The following LDB2 variants were observed in gnomAD, a reference collection of about 807,000 sequenced individuals.
The protein encoded by LDB2 is LIM domain-binding protein 2.
Under a neutral mutation model 44.3 loss-of-function variants are expected in LDB2, and 12 were observed. The ratio of observed to expected loss-of-function variants is 0.27; its 90% confidence interval spans 0.17 to 0.44. The LOEUF is 0.44. Ranked by LOEUF, LDB2 falls within the 20% of genes least tolerant of loss-of-function variation. The pLI, the probability that LDB2 is intolerant of heterozygous loss-of-function variation, is 1.00. For synonymous variants in LDB2, 164 were observed against 174.8 expected, an observed-to-expected ratio of 0.94 and a Z score of 0.49; for missense variants, 344 against 473.5, an observed-to-expected ratio of 0.73 and a Z score of 2.54.
chr4:16,724,542 GC>G (rs1759018432), intron 2 of LDB2, among the ~76,000 whole-genome samples: 1 of 151,926 alleles, frequency 6.6e-6, no homozygotes, highest in African/African-American at 2.4e-5. Flanking sequence ...CTTCTCTCTA[GC>G]CCCAGTTCAA....
chr4:16,832,389 T>A (rs567516055), intron 1 of LDB2, among the ~76,000 whole-genome samples: 29 of 152,306 alleles, frequency 1.9e-4, no homozygotes, highest in Non-Finnish European at 1.2e-4. Flanking sequence ...GACATACTGA[T>A]GAAATTATAG....
intron 7 of LDB2, chr4:16,507,197 T>C (rs1408177871): frequency 1.3e-5 from 2 of 152,212 alleles, no homozygotes; most frequent in Non-Finnish European, 2.9e-5. Context: ...GACTGCAATT[T>C]GTAACCTTGT....
At chr4:16,897,706 CTA>C (rs1164831892) in intron 1 of LDB2, among the ~76,000 whole-genome samples, 2 of 151,740 alleles carry the variant, frequency 1.3e-5, no homozygotes, top group Admixed American at 6.6e-5. Context: ...AGGAGAAAGT[CTA>C]GAGTCCCCTT....
At chr4:16,586,913 C>T (rs751377775) in intron 4 of LDB2, among the ~76,000 whole-genome samples, 2 of 152,128 alleles carry the variant, frequency 1.3e-5, no homozygotes, top group African/African-American at 2.4e-5. Context: ...CTAGATTATA[C>T]TAATGTGACT....
chr4:16,511,985 C>T lies in LDB2; in HGVS notation c.735G>A (p.Pro245=), dbSNP rs137916977. The change falls in exon 6 of 8, where the codon CCG becomes CCA. Residue 245 remains proline (P), a synonymous_variant. Transcript: ENST00000304523. ...LFQKWQRMVA[P]PAEPTRQPTT... is the part of the protein sequence containing the mutation. Reference sequence around the variant, plus strand: ...GAGTGAAGAATGAGGGTGTACCTGGCGGAGCCACCATCCTCTGCCACTTCT... The same window carrying T: ...GAGTGAAGAATGAGGGTGTACCTGGTGGAGCCACCATCCTCTGCCACTTCT... 5.9e-5 allele frequency: 95 copies of T among 1,612,572 alleles called. 1 individual carries two copies. In the African/African-American group the frequency reaches 8.5e-4, roughly 14 times the overall value.
chr4:16,878,827 C>T (rs1007421317), intron 1 of LDB2, among the ~76,000 whole-genome samples: 2 of 152,192 alleles, frequency 1.3e-5, no homozygotes, highest in Non-Finnish European at 2.9e-5. Flanking sequence ...CTCATTTGTT[C>T]TTTAAGTCTC....
chr4:16,821,199 A>G (rs1377857839), intron 1 of LDB2, among the ~76,000 whole-genome samples: 1 of 152,116 alleles, frequency 6.6e-6, no homozygotes, highest in Non-Finnish European at 1.5e-5. Flanking sequence ...TTCCCACTCA[A>G]TCTAAAGACA....
chr4:16,758,722 A>G (rs1767227161), intron 2 of LDB2, among the ~76,000 whole-genome samples: 1 of 152,196 alleles, frequency 6.6e-6, no homozygotes. Flanking sequence ...TCAAATAAAT[A>G]CCTGAGATAA....
At chr4:16,564,169 T>C (rs977623455) in intron 5 of LDB2, among the ~76,000 whole-genome samples, 2 of 152,018 alleles carry the variant, frequency 1.3e-5, no homozygotes, top group Non-Finnish European at 2.9e-5. Context: ...ACCCTCAGTG[T>C]CTCAAATGCC....
At chr4:16,745,408 A>T (rs1222689822) in intron 2 of LDB2, among the ~76,000 whole-genome samples, 1 of 152,220 alleles carries the variant, frequency 6.6e-6, no homozygotes, top group Non-Finnish European at 1.5e-5. Flanking sequence ...CTGAGCTCCA[A>T]AGATATTCTC....
intron 2 of LDB2, among the ~76,000 whole-genome samples, chr4:16,682,293 GTTTAT>G (rs541840899): frequency 1.9e-3 from 286 of 152,242 alleles, no homozygotes; most frequent in African/African-American, 6.3e-3. Flanking sequence ...ATAAAAAGCA[GTTTAT>G]TTTATTTCTC....
chr4:16,734,131 G>T (rs1761357243), intron 2 of LDB2, among the ~76,000 whole-genome samples: 1 of 152,158 alleles, frequency 6.6e-6, no homozygotes, highest in Non-Finnish European at 1.5e-5. Context: ...TAAATAAGAT[G>T]CTTTGTGTAA....
At chr4:16,605,550 G>A (rs1723704379) in intron 2 of LDB2, among the ~76,000 whole-genome samples, 1 of 152,172 alleles carries the variant, frequency 6.6e-6, no homozygotes, top group South Asian at 2.1e-4. Flanking sequence ...CTTTTCTCCA[G>A]GTGTTGAGTT....
intron 1 of LDB2, among the ~76,000 whole-genome samples, chr4:16,891,338 A>C (rs1723337888): frequency 9.9e-6 from 1 of 101,196 alleles, no homozygotes. Flanking sequence ...TTTGAGATGG[A>C]GTCTCACTCT....
At chr4:16,530,026 A>G (rs1729599770) in intron 5 of LDB2, among the ~76,000 whole-genome samples, 1 of 152,218 alleles carries the variant, frequency 6.6e-6, no homozygotes, top group South Asian at 2.1e-4. Context: ...AAAGGCAAGA[A>G]AACACAATCA....
rs778235765 is a variant in LDB2, at chr4:16,674,253, C to T, written c.236-78378G>A. On this transcript the variant is annotated intron_variant, in intron 2 of 7. Transcript: ENST00000304523. The stretch of plus-strand genomic sequence containing the variant: ...GATAGGAAATTGTAATAATCCATCA[C>T]AGGCATCTGGTTCCGAATCCCCGAG... The T allele has an allele frequency of 3.5e-5, 45 of 1,289,112 alleles. No homozygotes were observed. In the African/African-American group the frequency reaches 5.6e-4, roughly 16 times the overall value. 79.9% of individuals were successfully genotyped at this position (1,289,112 alleles called of 1,614,324 possible).
At chr4:16,822,111 TA>T (rs34620323) in intron 1 of LDB2, among the ~76,000 whole-genome samples, 56,180 of 146,876 alleles carry the variant, frequency 0.38, 10,920 homozygotes, top group East Asian at 0.67. Flanking sequence ...CTAGGATTGT[TA>T]AAAAAAAAAA....
chr4:16,537,245 G>C lies in LDB2; in HGVS notation c.616-25141C>G, dbSNP rs537228848. On this transcript the variant is annotated intron_variant, in intron 5 of 7. Coordinates refer to ENST00000304523, the MANE Select transcript of LDB2 (RefSeq NM_001290.5). Reference sequence around the variant, plus strand: ...GCAAACTATGGGAGAGTTTGACAGGGAGAAGGAAAACACAATGTAGTTTTT... The same window carrying C: ...GCAAACTATGGGAGAGTTTGACAGGCAGAAGGAAAACACAATGTAGTTTTT... Among the ~76,000 whole-genome samples the C allele has an allele frequency of 2.0e-5, 3 of 152,238 alleles. No individual in the cohort carries two copies. The South Asian group carries it at 6.2e-4, about 32-fold the overall frequency.
chr4:16,802,824 G>A (rs1030028132), intron 1 of LDB2, among the ~76,000 whole-genome samples: 5 of 152,148 alleles, frequency 3.3e-5, no homozygotes, highest in African/African-American at 9.7e-5. Context: ...CTAAGGGCTC[G>A]TATTAGCTCC....
Sources: allele counts gnomAD v4.1 joint callset (sites outside exome capture counted in the v4.1 genomes callset), GRCh38; gene constraint gnomAD v4.1.1; transcripts MANE v1.5; gene names NCBI Gene and HGNC (gene_info 2026-07-23, HGNC 2026-07-21).